CCDC192: variants seen among roughly 807,000 people sequenced by gnomAD.
CCDC192 encodes coiled-coil domain-containing protein 192.
At chr5:127,871,049 G>A (rs1269031061) in intron 5 of CCDC192, among the ~76,000 whole-genome samples, 2 of 152,214 alleles carry the variant, frequency 1.3e-5, no homozygotes, top group Admixed American at 6.5e-5. Flanking sequence ...TTCAGACAAA[G>A]TGGGAGGAAG....
intron 1 of CCDC192, among the ~76,000 whole-genome samples, 157 bp from the exon 2 acceptor site, chr5:127,707,552 G>A (rs1237107914): frequency 6.6e-6 from 1 of 152,006 alleles, no homozygotes; most frequent in Non-Finnish European, 1.5e-5. Context: ...ATTTCCCTTA[G>A]AAATGTCCAG....
intron 3 of CCDC192, among the ~76,000 whole-genome samples, chr5:127,780,546 T>C (rs1472921051): frequency 6.6e-6 from 1 of 152,182 alleles, no homozygotes; most frequent in African/African-American, 2.4e-5. Flanking sequence ...TGCATTGTGG[T>C]TTTGATTTGC....
chr5:127,901,814 A>G (rs1040027349), intron 6 of CCDC192, among the ~76,000 whole-genome samples: 7 of 152,220 alleles, frequency 4.6e-5, no homozygotes, highest in Non-Finnish European at 1.0e-4. Flanking sequence ...TTACAGTCCA[A>G]ATACTATTTT....
chr5:127,918,333 T>C (rs1467315679), intron 6 of CCDC192, among the ~76,000 whole-genome samples: 1 of 152,156 alleles, frequency 6.6e-6, no homozygotes, highest in African/African-American at 2.4e-5. Context: ...TCCTTTTCTA[T>C]TTGAGAACAA....
intron 5 of CCDC192, among the ~76,000 whole-genome samples, chr5:127,862,270 C>A (rs1705842450): frequency 1.3e-5 from 2 of 152,166 alleles, no homozygotes; most frequent in Non-Finnish European, 2.9e-5. Flanking sequence ...AGGCATGTTA[C>A]ATGGACCAAG....
chr5:127,819,523 C>T (rs1410930473), intron 5 of CCDC192, among the ~76,000 whole-genome samples: 2 of 152,038 alleles, frequency 1.3e-5, no homozygotes. Context: ...TTTTTTGAGT[C>T]TGGGTGGTCA....
chr5:127,918,881 A>G (rs1174500306), intron 6 of CCDC192, among the ~76,000 whole-genome samples: 1 of 151,402 alleles, frequency 6.6e-6, no homozygotes, highest in Non-Finnish European at 1.5e-5. Context: ...GTATGTGTAC[A>G]TGTGCATGCA....
intron 2 of CCDC192, among the ~76,000 whole-genome samples, chr5:127,749,938 T>C (rs2126861551): frequency 6.6e-6 from 1 of 152,268 alleles, no homozygotes; most frequent in East Asian, 1.9e-4. Flanking sequence ...TAGTTTGTAT[T>C]TCTGTGGGAT....
chr5:127,820,589 A>G (rs1191679092), intron 5 of CCDC192, among the ~76,000 whole-genome samples: 1 of 152,210 alleles, frequency 6.6e-6, no homozygotes, highest in Non-Finnish European at 1.5e-5. Flanking sequence ...CTCAAAAAAT[A>G]TATGTATCTA....
intron 6 of CCDC192, among the ~76,000 whole-genome samples, chr5:127,908,039 A>G (rs1056085319): frequency 9.9e-5 from 15 of 152,220 alleles, no homozygotes; most frequent in Admixed American, 2.0e-4. Context: ...TACAACCACA[A>G]TTTAATGGTT....
At chr5:127,832,890 A>G (rs1242027343) in intron 5 of CCDC192, among the ~76,000 whole-genome samples, 2 of 152,264 alleles carry the variant, frequency 1.3e-5, no homozygotes, top group South Asian at 4.1e-4. Flanking sequence ...TGGGGCTTCA[A>G]TCTCCTAAAT....
chr5:127,940,018 T>C (rs1169863517), intron 6 of CCDC192, among the ~76,000 whole-genome samples: 1 of 152,194 alleles, frequency 6.6e-6, no homozygotes, highest in Non-Finnish European at 1.5e-5. Flanking sequence ...GCTGGAAATT[T>C]TGAGAGTGGT....
chr5:127,843,056 A>G (rs1197970356), intron 5 of CCDC192, among the ~76,000 whole-genome samples: 1 of 94,476 alleles, frequency 1.1e-5, no homozygotes, highest in South Asian at 3.5e-4. Context: ...TTTTTTTGAG[A>G]TGGAGTCTTG....
chr5:127,732,015 A>G (rs2126817847), intron 2 of CCDC192, among the ~76,000 whole-genome samples: 1 of 152,324 alleles, frequency 6.6e-6, no homozygotes, highest in African/African-American at 2.4e-5. Context: ...TAATTAAACT[A>G]AAGAGCTTCT....
intron 2 of CCDC192, among the ~76,000 whole-genome samples, chr5:127,745,087 A>C (rs1753662333): frequency 6.6e-6 from 1 of 152,208 alleles, no homozygotes; most frequent in South Asian, 2.1e-4. Context: ...CCGAGCCTTT[A>C]ATCAATCAAC....
At chr5:127,730,753 C>T (rs1477592014) in intron 2 of CCDC192, among the ~76,000 whole-genome samples, 3 of 152,038 alleles carry the variant, frequency 2.0e-5, no homozygotes, top group African/African-American at 7.2e-5. Flanking sequence ...ATAAACAGAA[C>T]TAAAGACAAA....
chr5:127,785,227 C>T (rs1469299358), intron 3 of CCDC192: 26 of 520,526 alleles, frequency 5.0e-5, no homozygotes, highest in Admixed American at 4.8e-4. Flanking sequence ...ACTGTGACAG[C>T]TGGCATAGAA....
chr5:127,745,626 CAA>C (rs998356168), intron 2 of CCDC192, among the ~76,000 whole-genome samples: 3 of 152,148 alleles, frequency 2.0e-5, no homozygotes, highest in African/African-American at 4.8e-5. Context: ...TAGAAATTAA[CAA>C]AGAGAATTTT....
intron 3 of CCDC192, among the ~76,000 whole-genome samples, chr5:127,773,887 C>CA (rs549076334): frequency 1.3e-5 from 2 of 152,272 alleles, no homozygotes; most frequent in South Asian, 4.1e-4. Context: ...CAGCAATGTA[C>CA]AAGGGCTATT....
Sources: gnomAD v4.1 joint callset for allele counts (sites outside exome capture counted in the v4.1 genomes callset) on GRCh38, gnomAD v4.1.1 for gene constraint, MANE v1.5 for transcripts, NCBI Gene and HGNC (gene_info 2026-07-23, HGNC 2026-07-21) for gene names.